The following PRKCB variants were observed in gnomAD, a reference collection of about 807,000 sequenced individuals.
PRKCB encodes protein kinase C beta.
Under a neutral mutation model 81.5 loss-of-function variants are expected in PRKCB, and 13 were observed. The ratio of observed to expected loss-of-function variants is 0.16; its 90% CI spans 0.10 to 0.25. PRKCB has a LOEUF of 0.25. Among genes scored for constraint, PRKCB ranks in the 10% least tolerant of loss-of-function variants. PRKCB has a pLI of 1.00. For synonymous variants in PRKCB, 335 were observed against 321.4 expected (o/e 1.04, Z -0.45); for missense variants, 509 against 875.7 (o/e 0.58, Z 5.29).
intron 5 of PRKCB, among the ~76,000 whole-genome samples, chr16:24,068,505 T>C (rs1166754894): frequency 1.3e-5 from 2 of 149,962 alleles, no homozygotes; most frequent in Non-Finnish European, 3.0e-5. Flanking sequence ...ACACACAGAA[T>C]ATTGGACTTA....
At chr16:24,208,066 T>G (rs1389283641) in intron 16 of PRKCB, 3 of 152,324 alleles carry the variant, frequency 2.0e-5, no homozygotes, top group African/African-American at 7.2e-5. Context: ...TGGGGAGCTA[T>G]TGCAGATAAG....
At chr16:24,075,548 G>C (rs1409865239) in intron 5 of PRKCB, among the ~76,000 whole-genome samples, 1 of 152,190 alleles carries the variant, frequency 6.6e-6, no homozygotes, top group African/African-American at 2.4e-5. Context: ...CAGTTCCTCT[G>C]TTTGGGGTCT....
intron 3 of PRKCB, among the ~76,000 whole-genome samples, chr16:23,999,814 G>A (rs1038231086): frequency 1.6e-4 from 24 of 152,206 alleles, no homozygotes; most frequent in African/African-American, 5.5e-4. Flanking sequence ...GTCAAGTGAG[G>A]TACTTTCCCT....
At chr16:24,136,124 C>T (rs532192324) in intron 9 of PRKCB, among the ~76,000 whole-genome samples, 59 of 142,110 alleles carry the variant, frequency 4.2e-4, no homozygotes, top group African/African-American at 1.5e-3. Flanking sequence ...GCCAACTCAT[C>T]TTCCCAGATC....
intron 3 of PRKCB, among the ~76,000 whole-genome samples, chr16:23,995,993 C>T (rs993732475): frequency 5.3e-5 from 8 of 151,876 alleles, no homozygotes; most frequent in African/African-American, 1.5e-4. Context: ...AGCAGTGCAC[C>T]TGGTTGTGCA....
intron 2 of PRKCB, among the ~76,000 whole-genome samples, chr16:23,945,931 G>A (rs1404653627): frequency 2.0e-5 from 3 of 152,074 alleles, no homozygotes; most frequent in Admixed American, 6.6e-5. Flanking sequence ...ACACCACCAG[G>A]AGGAATATAT....
At chr16:23,988,435 C>T in intron 2 of PRKCB, 73 bp from the exon 3 acceptor site, 1 of 1,209,696 alleles carries the variant, frequency 8.3e-7, no homozygotes. Context: ...ATGATCTCTT[C>T]CTCCCTTTCT....
rs1968259847 is a variant in PRKCB, at chr16:24,218,080, CT to C, written c.*3265del. On this transcript the variant is annotated 3_prime_UTR_variant, in exon 17 of 17. Transcript: ENST00000643927. ...TGTGTGCCAGGCACTATTCTTAGCA[CT>C]GGAAATACACTAGTGAAGAAGCAGA... The C allele has an allele frequency of 5.1e-6, 5 of 985,198 alleles. No homozygotes were observed. Among genetic ancestry groups the C allele is most frequent in the Non-Finnish European group, 6.0e-6 (5 of 829,800 alleles). 61.0% of individuals were successfully genotyped at this position (985,198 alleles called of 1,614,324 possible). A position where few individuals can be genotyped will look rare whatever the true frequency, so the allele number is the denominator to read the frequency against.
chr16:23,839,138 G>A (rs1250885732), intron 2 of PRKCB, among the ~76,000 whole-genome samples: 1 of 152,124 alleles, frequency 6.6e-6, no homozygotes, highest in Non-Finnish European at 1.5e-5. Flanking sequence ...AGTCACTTTG[G>A]AATGTGCAAG....
intron 3 of PRKCB, among the ~76,000 whole-genome samples, chr16:24,027,637 G>C (rs1382288986): frequency 1.3e-5 from 2 of 152,216 alleles, no homozygotes; most frequent in Non-Finnish European, 2.9e-5. Flanking sequence ...TCATCTGCCT[G>C]ACTGCAGAGG....
At position 24,038,789 on chromosome 16, in the gene PRKCB, C is replaced by T. The variant is rs190376484; in HGVS notation, c.529+3242C>T. Among the ~76,000 whole-genome samples the T allele has an allele frequency of 7.9e-3, 1,205 of 152,300 alleles. 34 individuals are homozygous for T. The highest frequency in any genetic ancestry group is 0.011 in the Non-Finnish European group (767 of 68,026). On this transcript the variant is annotated intron_variant, in intron 5 of 16. Transcript: ENST00000643927. ...AAAAGCTTGGCGAGAGTGTGGTCTC[C>T]GTGGAAGTCTTCTTCAGCCTGGTAT...
chr16:24,202,638 GAGA>G (rs1362622395), intron 16 of PRKCB, among the ~76,000 whole-genome samples: 10 of 152,316 alleles, frequency 6.6e-5, no homozygotes, highest in African/African-American at 2.4e-4. Context: ...TGACCTTCTA[GAGA>G]AGATGTGTTC....
At chr16:24,118,802 A>G (rs1966764395) in intron 8 of PRKCB, among the ~76,000 whole-genome samples, 1 of 152,132 alleles carries the variant, frequency 6.6e-6, no homozygotes, top group African/African-American at 2.4e-5. Context: ...TTTGTGCCTC[A>G]ATTTTAAAAT....
chr16:23,836,156 T>A lies in PRKCB; in HGVS notation c.-20T>A, dbSNP rs535808203. Reference sequence around the variant, plus strand: ...GCCCCGGGGCCGGCACCTCTCGGGCTCCGGCTCCCCGCGCGCAAGATGGCT... The same window carrying A: ...GCCCCGGGGCCGGCACCTCTCGGGCACCGGCTCCCCGCGCGCAAGATGGCT... On this transcript the variant is annotated 5_prime_UTR_variant, in exon 1 of 17. Coordinates refer to ENST00000643927, the MANE Select transcript of PRKCB (RefSeq NM_002738.7). 46 of 1,487,100 alleles carry A rather than the reference T, an allele frequency of 3.1e-5. No individual in the cohort carries two copies. The South Asian group carries it at 5.2e-4, about 17-fold the overall frequency. 92.1% of individuals were successfully genotyped at this position (1,487,100 alleles called of 1,614,324 possible). A position where few individuals can be genotyped will look rare whatever the true frequency, so the allele number is the denominator to read the frequency against.
intron 16 of PRKCB, among the ~76,000 whole-genome samples, chr16:24,198,059 G>A (rs767827831): frequency 4.6e-5 from 7 of 152,192 alleles, no homozygotes; most frequent in Admixed American, 2.0e-4. Context: ...GGGTGCAGTG[G>A]CTGAGGGCTG....
At chr16:23,984,688 C>T (rs901531789) in intron 2 of PRKCB, among the ~76,000 whole-genome samples, 3 of 152,118 alleles carry the variant, frequency 2.0e-5, no homozygotes, top group Admixed American at 1.3e-4. Context: ...AATATCATCC[C>T]AGATAAGATG....
chr16:23,979,331 T>C (rs988234609), intron 2 of PRKCB, among the ~76,000 whole-genome samples: 2 of 152,168 alleles, frequency 1.3e-5, no homozygotes, highest in African/African-American at 4.8e-5. Flanking sequence ...TGAACCTTCA[T>C]TGAGAATATA....
At chr16:24,050,302 C>T (rs1421497430) in intron 5 of PRKCB, among the ~76,000 whole-genome samples, 1 of 152,186 alleles carries the variant, frequency 6.6e-6, no homozygotes, top group Non-Finnish European at 1.5e-5. Flanking sequence ...ACCCGGAACT[C>T]TTCCTAGACA....
At chr16:23,899,181 C>T (rs558636079) in intron 2 of PRKCB, among the ~76,000 whole-genome samples, 7 of 152,136 alleles carry the variant, frequency 4.6e-5, no homozygotes, top group Admixed American at 6.5e-5. Context: ...CTTCTCCCTC[C>T]GCTCCCACAG....
Sources: gnomAD v4.1 joint callset for allele counts (sites outside exome capture counted in the v4.1 genomes callset) on GRCh38, gnomAD v4.1.1 for gene constraint, MANE v1.5 for transcripts, NCBI Gene and HGNC (gene_info 2026-07-23, HGNC 2026-07-21) for gene names.